Variants in UBE2V2 observed in about 807,000 individuals in gnomAD.
UBE2V2 encodes ubiquitin-conjugating enzyme E2 variant 2.
UBE2V2 carries 9 observed loss-of-function variants against 17.2 expected under a neutral mutation model. The ratio of observed to expected loss-of-function variants is 0.52; its 90% CI spans 0.32 to 0.91. UBE2V2 has a LOEUF of 0.91. UBE2V2 is among the 40% of genes least tolerant of loss of function. UBE2V2 has a pLI of 0.04. For synonymous variants in UBE2V2, 61 were observed against 57.5 expected, an observed-to-expected ratio of 1.06 and a Z score of -0.28; for missense variants, 133 against 182.6, an observed-to-expected ratio of 0.73 and a Z score of 1.56.
chr8:48,017,145 A>T (rs1021170157), intron 1 of UBE2V2, among the ~76,000 whole-genome samples: 1 of 151,838 alleles, frequency 6.6e-6, no homozygotes, highest in African/African-American at 2.4e-5. Flanking sequence ...GTGATACCTC[A>T]TGTGGGTTTT....
At chr8:48,047,188 C>T (rs1192074899) in intron 2 of UBE2V2, among the ~76,000 whole-genome samples, 1 of 151,658 alleles carries the variant, frequency 6.6e-6, no homozygotes, top group Non-Finnish European at 1.5e-5. Flanking sequence ...TGATCCACTC[C>T]CTTCGGCCTC....
chr8:48,050,909 G>A (rs2091532571), intron 3 of UBE2V2, among the ~76,000 whole-genome samples: 1 of 152,140 alleles, frequency 6.6e-6, no homozygotes, highest in African/African-American at 2.4e-5. Context: ...CCCCCAGGCT[G>A]TAGTGCAGTG....
At chr8:48,027,030 G>T (rs1412791849) in intron 1 of UBE2V2, among the ~76,000 whole-genome samples, 1 of 152,184 alleles carries the variant, frequency 6.6e-6, no homozygotes, top group South Asian at 2.1e-4. Context: ...TGTTGCCCAG[G>T]CTGGAGTGCA....
At chr8:48,044,160 G>C (rs1450426231) in intron 2 of UBE2V2, among the ~76,000 whole-genome samples, 1 of 151,990 alleles carries the variant, frequency 6.6e-6, no homozygotes, top group East Asian at 1.9e-4. Context: ...TGATGATGAT[G>C]ATGATGATGA....
chr8:48,011,308 C>T (rs1317456430), intron 1 of UBE2V2, among the ~76,000 whole-genome samples: 1 of 152,034 alleles, frequency 6.6e-6, no homozygotes, highest in Non-Finnish European at 1.5e-5. Context: ...GCTGGGTTTA[C>T]AGGCATGCAC....
chr8:47,999,103 C>T, the UBE2V2 span, among the ~76,000 whole-genome samples: 5 of 152,080 alleles, frequency 3.3e-5, no homozygotes, highest in Middle Eastern at 3.2e-3. Flanking sequence ...AAGTGAAAGT[C>T]GGCTGGCTTC....
rs555987459 is a variant in UBE2V2 at position 48,022,108 on chromosome 8, T to A, written c.16+13638T>A. On this transcript the variant is annotated intron_variant, in intron 1 of 3. Transcript: ENST00000523111. ...AATCCTTTATACTTTTACCCTACTC[T>A]CCCATTTTGAATTTTTGATGTCACA... Among the ~76,000 whole-genome samples, 3 of 151,768 alleles carry A rather than the reference T, an allele frequency of 2.0e-5. No individual in the cohort carries two copies. The South Asian group carries it at 6.2e-4, about 32-fold the overall frequency.
chr8:48,051,871 G>A (rs2091541059), intron 3 of UBE2V2, among the ~76,000 whole-genome samples: 1 of 152,110 alleles, frequency 6.6e-6, no homozygotes, highest in African/African-American at 2.4e-5. Flanking sequence ...CACCTGCTGG[G>A]CCATTAACAC....
At chr8:48,012,793 G>A (rs1401079828) in intron 1 of UBE2V2, among the ~76,000 whole-genome samples, 1 of 152,148 alleles carries the variant, frequency 6.6e-6, no homozygotes, top group Non-Finnish European at 1.5e-5. Context: ...GAAAAGTTGT[G>A]AAGATAGTAC....
chr8:48,051,118 A>T (rs983143964), intron 3 of UBE2V2, among the ~76,000 whole-genome samples: 5 of 152,318 alleles, frequency 3.3e-5, no homozygotes, highest in Non-Finnish European at 5.9e-5. Context: ...AAGTGCTGGG[A>T]TTACAGGCGT....
rs1802635755 is a variant in UBE2V2, at chr8:48,064,594, A to T, written c.*3766A>T. 6.6e-6 allele frequency: 1 copy of T among 152,190 alleles called. No homozygotes were observed. The highest frequency in any genetic ancestry group is 1.5e-5 in the Non-Finnish European group (1 of 68,028). The allele number at this position is 152,190 out of a possible 1,614,324, so 9.4% of individuals were successfully genotyped here. On this transcript the variant is annotated 3_prime_UTR_variant, in exon 4 of 4. Transcript: ENST00000523111. ...AAGTATTGTGGAGTGTTGAAAATAA[A>T]GATACACAATAAGTATTTTCTGAAG...
intron 2 of UBE2V2, among the ~76,000 whole-genome samples, chr8:48,048,528 A>G (rs1456069504): frequency 6.6e-6 from 1 of 152,244 alleles, no homozygotes; most frequent in Non-Finnish European, 1.5e-5. Context: ...CACAGCCAAG[A>G]TAATCATGAG....
At chr8:48,002,326 T>G in the UBE2V2 span, among the ~76,000 whole-genome samples, 1 of 152,210 alleles carries the variant, frequency 6.6e-6, no homozygotes, top group African/African-American at 2.4e-5. Flanking sequence ...GTGGCATATA[T>G]GTACACAGTA....
intron 1 of UBE2V2, among the ~76,000 whole-genome samples, chr8:48,031,054 CAAAA>C (rs1456861087): frequency 6.6e-6 from 1 of 150,518 alleles, no homozygotes; most frequent in Non-Finnish European, 1.5e-5. Flanking sequence ...AACACAAAAA[CAAAA>C]ATTAGCCAGG....
chr8:48,037,107 A>C (rs2091430012), intron 1 of UBE2V2, among the ~76,000 whole-genome samples: 1 of 152,234 alleles, frequency 6.6e-6, no homozygotes, highest in South Asian at 2.1e-4. Context: ...TGAACCCTGG[A>C]AGCAAAGGTT....
In UBE2V2 at chr8:48,061,523, A is replaced by T. The variant is rs1419984137; in HGVS notation, c.*695A>T. 1 of 152,646 alleles carries T rather than the reference A, an allele frequency of 6.6e-6. No homozygotes were observed. Among genetic ancestry groups the T allele is most frequent in the Non-Finnish European group, 1.5e-5 (1 of 68,044 alleles). 9.5% of individuals were successfully genotyped at this position (152,646 alleles called of 1,614,324 possible). On this transcript the variant is annotated 3_prime_UTR_variant, in exon 4 of 4. Transcript: ENST00000523111. ...AGGTGTATGGATATGTGATTTTGAG[A>T]TTAAAGTTAGTCTTAAAATGTAAAT...
chr8:48,029,340 C>G (rs535950083), intron 1 of UBE2V2, among the ~76,000 whole-genome samples: 49 of 152,186 alleles, frequency 3.2e-4, no homozygotes, highest in Admixed American at 5.9e-4. Flanking sequence ...AAAATGAACA[C>G]ACAAACATCA....
chr8:48,036,796 A>T (rs896557205), intron 1 of UBE2V2, among the ~76,000 whole-genome samples: 2 of 152,126 alleles, frequency 1.3e-5, no homozygotes, highest in African/African-American at 4.8e-5. Flanking sequence ...GTGGGGGTAC[A>T]TGTGATCTTT....
At chr8:48,002,045 C>T in the UBE2V2 span, among the ~76,000 whole-genome samples, 2 of 151,458 alleles carry the variant, frequency 1.3e-5, no homozygotes, top group Non-Finnish European at 2.9e-5. Flanking sequence ...GCTGAGATTG[C>T]GCTATTGCAT....
Sources: allele counts gnomAD v4.1 joint callset (sites outside exome capture counted in the v4.1 genomes callset), GRCh38; gene constraint gnomAD v4.1.1; transcripts MANE v1.5; gene names NCBI Gene and HGNC (gene_info 2026-07-23, HGNC 2026-07-21).